The following MKKS variants were observed in gnomAD, a reference collection of about 807,000 sequenced individuals.
MKKS encodes MKKS centrosomal shuttling protein.
In MKKS, 29 loss-of-function variants were observed where a neutral mutation model predicts 33.2. That is an observed-to-expected ratio of 0.87 (90% CI 0.65 to 1.19). MKKS has a LOEUF of 1.19. MKKS is among the 50% of genes most tolerant of loss of function. MKKS has a pLI of 0.00. For missense variants in MKKS, 661 were observed against 662.3 expected (o/e 1.00, Z 0.02); for synonymous variants, 260 against 244.0 (o/e 1.07, Z -0.61).
intron 1 of MKKS, among the ~76,000 whole-genome samples, chr20:10,426,120 T>C (rs1600858750): frequency 6.6e-6 from 1 of 152,272 alleles, no homozygotes; most frequent in African/African-American, 2.4e-5. Context: ...TTTGCTTTCA[T>C]AGCAACTTTA....
chr20:10,424,686 CAAACA>C (rs2065003535), intron 1 of MKKS, among the ~76,000 whole-genome samples: 1 of 152,124 alleles, frequency 6.6e-6, no homozygotes, highest in South Asian at 2.1e-4. Context: ...TACTTACAAT[CAAACA>C]TATTTTGGGG....
intron 1 of MKKS, among the ~76,000 whole-genome samples, chr20:10,426,073 CTTAAA>C (rs1164793156): frequency 6.6e-6 from 1 of 152,168 alleles, no homozygotes; most frequent in African/African-American, 2.4e-5. Context: ...AAAGTATGGT[CTTAAA>C]TTATTCAAAA....
intron 2 of MKKS, among the ~76,000 whole-genome samples, chr20:10,417,900 C>T (rs546562615): frequency 6.6e-6 from 1 of 152,124 alleles, no homozygotes; most frequent in East Asian, 1.9e-4. Flanking sequence ...ATCAGCCAAA[C>T]TGAGAATGTG....
chr20:10,407,609 T>C lies in MKKS; in HGVS notation c.1272+7A>G, dbSNP rs1209169319. ...TCAGGTAATCCGAAGAGGATTATCT[T>C]ACATACCTTGTGTCTGATATATGCA... On this transcript the variant is annotated splice_region_variant and intron_variant, in intron 5 of 5. Coordinates refer to ENST00000347364, the MANE Select transcript of MKKS (RefSeq NM_170784.3). 2.5e-6 allele frequency: 4 copies of C among 1,610,368 alleles called. No homozygotes were observed. The highest frequency in any genetic ancestry group is 1.7e-6 in the Non-Finnish European group (2 of 1,176,794).
In MKKS at chr20:10,403,932, CTTT is replaced by C. The variant is rs1003109012; in HGVS notation, c.*1312_*1314del. ...TTTCCTTTGGCTCAGAGTAAAAATTCTTTTTGATTACAAGAATATCAGAGGAAA... is the reference window on the plus strand; with the variant it reads ...TTTCCTTTGGCTCAGAGTAAAAATTCTTGATTACAAGAATATCAGAGGAAA... On this transcript the variant is annotated 3_prime_UTR_variant, in exon 6 of 6. Coordinates refer to ENST00000347364, the MANE Select transcript of MKKS (RefSeq NM_170784.3). 13 of 152,046 alleles carry C rather than the reference CTTT, an allele frequency of 8.6e-5. No homozygotes were observed. The highest frequency in any genetic ancestry group is 1.9e-4 in the Non-Finnish European group (13 of 67,978). The allele number at this position is 152,046 out of a possible 1,614,324, so 9.4% of individuals were successfully genotyped here. A position where few individuals can be genotyped will look rare whatever the true frequency, so the allele number is the denominator to read the frequency against.
chr20:10,410,473 T>C (rs1175891796), intron 3 of MKKS, among the ~76,000 whole-genome samples: 1 of 151,736 alleles, frequency 6.6e-6, no homozygotes. Context: ...CTACTAAAAA[T>C]ACAAAAAACT....
intron 1 of MKKS, among the ~76,000 whole-genome samples, chr20:10,428,526 T>C (rs2065031577): frequency 2.0e-5 from 3 of 152,218 alleles, no homozygotes; most frequent in Non-Finnish European, 2.9e-5. Context: ...TCCCCTTATG[T>C]GCACCTTAGC....
intron 2 of MKKS, among the ~76,000 whole-genome samples, chr20:10,414,265 C>CTT (rs533171103): frequency 8.3e-5 from 11 of 132,342 alleles, no homozygotes; most frequent in African/African-American, 2.0e-4. Flanking sequence ...GTCTCTGAGT[C>CTT]TTTTTTTTTT....
rs1426616609 is a variant in MKKS at position 10,412,596 on chromosome 20, T to C, written c.919A>G (p.Met307Val). The change falls in exon 3 of 6, where the codon ATG becomes GTG. Residue 307 changes from methionine (M) to valine (V), a missense_variant. Coordinates refer to ENST00000347364, the MANE Select transcript of MKKS (RefSeq NM_170784.3). Reference protein sequence around the residue: ...IHPSLKQFLNMHRIIAIDRIG... With the variant: ...IHPSLKQFLNVHRIIAIDRIG... Reference sequence around the variant, plus strand: ...CTGTCTATGGCAATAATACGATGCATATTGAGAAACTGCTTCAAAGATGGA... The same window carrying C: ...CTGTCTATGGCAATAATACGATGCACATTGAGAAACTGCTTCAAAGATGGA... 1.2e-6 allele frequency: 2 copies of C among 1,614,106 alleles called. No homozygotes were observed. Among genetic ancestry groups the C allele is most frequent in the South Asian group, 1.1e-5 (1 of 91,088 alleles).
At position 10,405,264 on chromosome 20, in the gene MKKS, T is replaced by A; in HGVS notation, c.1696A>T (p.Ile566Phe). ...CTATTCTCTTAGTTTTTATCTTCAA[T>A]AACATATGAAAGATCCAAAATCAAA... ...ANLILDLSYV[I>F]EDKN The change falls in exon 6 of 6, where the codon ATT becomes TTT. Residue 566 changes from isoleucine to phenylalanine, a missense_variant. Physicochemically the swap from Ile to Phe is conservative, Grantham distance 21. Transcript: ENST00000347364. 1.2e-6 allele frequency: 2 copies of A among 1,612,156 alleles called. No homozygotes were observed. The highest frequency in any genetic ancestry group is 1.1e-5 in the South Asian group (1 of 90,678).
In MKKS at chr20:10,412,530, C is replaced by A; in HGVS notation, c.985G>T (p.Gly329Ter). Reference sequence around the variant, plus strand: ...GGCAAAAGCAAAGAGTGATTTTTACCTGTCATTTTAGTCAGGGGTTCCATC... The same window carrying A: ...GGCAAAAGCAAAGAGTGATTTTTACATGTCATTTTAGTCAGGGGTTCCATC... ...TLMEPLTKMT[G>*]TQPIGSLGSI... Residue 329 changes from glycine (G) to a stop codon, truncating the protein, a stop_gained and splice_region_variant, in exon 3 of 6, where the codon GGA becomes TGA. Transcript: ENST00000347364. LOFTEE classifies it high-confidence loss of function. 1 of 1,613,352 alleles carries A rather than the reference C, an allele frequency of 6.2e-7. No individual in the cohort carries two copies. The highest frequency in any genetic ancestry group is 8.5e-7 in the Non-Finnish European group (1 of 1,179,874).
In MKKS at chr20:10,434,159, A is replaced by T. The variant is rs2065080869; in HGVS notation, c.-700T>A. ...AGGCCGCCACCGCCAGAGGCCCCAG[A>T]AACAGATCTCAAGCAGCCGCTGCTG... On this transcript the variant is annotated 5_prime_UTR_variant, in exon 1 of 6. Coordinates refer to ENST00000347364, the MANE Select transcript of MKKS (RefSeq NM_170784.3). The T allele has an allele frequency of 6.6e-6, 1 of 151,686 alleles. No individual in the cohort carries two copies. Among genetic ancestry groups the T allele is most frequent in the African/African-American group, 2.4e-5 (1 of 41,234 alleles). The allele number at this position is 151,686 out of a possible 1,614,324, so 9.4% of individuals were successfully genotyped here.
At chr20:10,418,557 G>C (rs2122248929) in intron 2 of MKKS, among the ~76,000 whole-genome samples, 1 of 152,126 alleles carries the variant, frequency 6.6e-6, no homozygotes, top group South Asian at 2.1e-4. Context: ...GCTTCTGCTT[G>C]CTTGACTGGA....
Position 10,415,794 on chromosome 20 carries a change from C to T in MKKS, c.-417-1863G>A, listed in dbSNP as rs540851747. Reference sequence around the variant, plus strand: ...ATGTAACTTTTCAAAAACAGAATGCCATGTTGGCACCTCTGTCAGTCTTAC... The same window carrying T: ...ATGTAACTTTTCAAAAACAGAATGCTATGTTGGCACCTCTGTCAGTCTTAC... On this transcript the variant is annotated intron_variant, in intron 2 of 5. Transcript: ENST00000347364. Among the ~76,000 whole-genome samples, 22 of 152,286 alleles carry T rather than the reference C, an allele frequency of 1.4e-4. No individual in the cohort carries two copies. In the South Asian group the frequency reaches 4.3e-3, roughly 30 times the overall value.
At position 10,408,704 on chromosome 20, in the gene MKKS, T is replaced by C. The variant is rs373858682; in HGVS notation, c.1085A>G (p.His362Arg). The C allele has an allele frequency of 2.4e-5, 39 of 1,613,944 alleles. No homozygotes were observed. The highest frequency in any genetic ancestry group is 2.0e-4 in the East Asian group (9 of 44,872). ...TAKFGSKHFF[H>R]LIPNEATICS... ...GATTGTTGCTTCATTAGGAATAAGA[T>C]GAAAAAAATGTTTGGAGCCAAATTT... The change falls in exon 4 of 6, where the codon CAT becomes CGT. Residue 362 changes from histidine to arginine, a missense_variant. By Grantham distance (29) the His-to-Arg change is conservative (BLOSUM62 0). Coordinates refer to ENST00000347364, the MANE Select transcript of MKKS (RefSeq NM_170784.3).
intron 1 of MKKS, 113 bp downstream of exon 1, chr20:10,433,995 G>A (rs6039930): frequency 0.061 from 9,276 of 152,402 alleles, 406 homozygotes; most frequent in African/African-American, 0.11. Flanking sequence ...ATATCCTTCA[G>A]TGAGGACACC....
intron 1 of MKKS, among the ~76,000 whole-genome samples, chr20:10,430,718 G>A (rs1026605701): frequency 7.2e-5 from 11 of 152,198 alleles, no homozygotes; most frequent in African/African-American, 2.7e-4. Context: ...TAACTGTCAA[G>A]CTTCTAAAGT....
In MKKS at chr20:10,412,533, T is replaced by C; in HGVS notation, c.982A>G (p.Thr328Ala). Residue 328 changes from threonine (T) to alanine (A), a missense_variant, in exon 3 of 6, where the codon ACA becomes GCA. Transcript: ENST00000347364. ...VTLMEPLTKM[T>A]GTQPIGSLGS... The stretch of plus-strand genomic sequence containing the variant: ...AAAAGCAAAGAGTGATTTTTACCTG[T>C]CATTTTAGTCAGGGGTTCCATCAGA... 1 of 1,613,626 alleles carries C rather than the reference T, an allele frequency of 6.2e-7. No individual in the cohort carries two copies. Among genetic ancestry groups the C allele is most frequent in the Non-Finnish European group, 8.5e-7 (1 of 1,179,932 alleles).
rs536960422 is a variant in MKKS at position 10,401,353 on chromosome 20, T to C, written c.*3894A>G. 1 of 152,296 alleles carries C rather than the reference T, an allele frequency of 6.6e-6. No homozygotes were observed. The highest frequency in any genetic ancestry group is 2.1e-4 in the South Asian group (1 of 4,830). The allele number at this position is 152,296 out of a possible 1,614,324, so 9.4% of individuals were successfully genotyped here. Reference sequence around the variant, plus strand: ...ATTGGCAAAAACTTCCATTATGGGATACAATAGTTACTAAATGGAAGCACT... The same window carrying C: ...ATTGGCAAAAACTTCCATTATGGGACACAATAGTTACTAAATGGAAGCACT... On this transcript the variant is annotated 3_prime_UTR_variant, in exon 6 of 6. Coordinates refer to ENST00000347364, the MANE Select transcript of MKKS (RefSeq NM_170784.3).
Sources: gnomAD v4.1 joint callset for allele counts (sites outside exome capture counted in the v4.1 genomes callset) on GRCh38, gnomAD v4.1.1 for gene constraint, MANE v1.5 for transcripts, NCBI Gene and HGNC (gene_info 2026-07-23, HGNC 2026-07-21) for gene names.